The following KIAA0319 variants were observed in gnomAD, a reference collection of about 807,000 sequenced individuals.
The protein encoded by KIAA0319 is KIAA0319.
Under a neutral mutation model 108.4 loss-of-function variants are expected in KIAA0319, and 83 were observed. The ratio of observed to expected loss-of-function variants is 0.77; its 90% CI spans 0.64 to 0.92. The LOEUF (loss-of-function observed/expected upper bound fraction) is 0.92, where lower values mean the gene tolerates loss of function less well. KIAA0319 is among the 40% of genes least tolerant of loss of function. KIAA0319 has a pLI of 0.00. For synonymous variants in KIAA0319, 484 were observed against 510.4 expected, an observed-to-expected ratio of 0.95 and a Z score of 0.70; for missense variants, 1,195 against 1,322.4, an observed-to-expected ratio of 0.90 and a Z score of 1.49.
intron 16 of KIAA0319, 145 bp from the exon 17 acceptor site, chr6:24,559,300 G>T: frequency 1.3e-6 from 1 of 773,964 alleles, no homozygotes. Flanking sequence ...GTATCTGTGA[G>T]CCAAGGAATT....
At chr6:24,554,381 C>A (rs1468314796) in intron 19 of KIAA0319, among the ~76,000 whole-genome samples, 160 bp downstream of exon 19, 1 of 152,176 alleles carries the variant, frequency 6.6e-6, no homozygotes, top group Non-Finnish European at 1.5e-5. Flanking sequence ...AAAGCTGCCT[C>A]TAATATTCCA....
intron 4 of KIAA0319, among the ~76,000 whole-genome samples, chr6:24,586,096 CA>C (rs1286904214): frequency 3.3e-5 from 5 of 150,760 alleles, no homozygotes; most frequent in Admixed American, 6.6e-5. Context: ...TCAAAACAAA[CA>C]AAAAAAAACA....
chr6:24,636,055 G>A (rs1380075579), intron 1 of KIAA0319, among the ~76,000 whole-genome samples: 4 of 152,200 alleles, frequency 2.6e-5, no homozygotes, highest in Admixed American at 6.5e-5. Context: ...AAGAAAGATT[G>A]CCAAGATATG....
At chr6:24,551,380 A>T in intron 20 of KIAA0319, 54 bp downstream of exon 20, 1 of 1,219,054 alleles carries the variant, frequency 8.2e-7, no homozygotes, top group Non-Finnish European at 1.2e-6. Flanking sequence ...CCTCAGGCCT[A>T]CCTAGGTTAA....
At chr6:24,626,157 A>G (rs1774683460) in intron 1 of KIAA0319, among the ~76,000 whole-genome samples, 1 of 152,260 alleles carries the variant, frequency 6.6e-6, no homozygotes, top group Non-Finnish European at 1.5e-5. Context: ...CCATAGAGAT[A>G]GAATGCAAAT....
intron 11 of KIAA0319, among the ~76,000 whole-genome samples, chr6:24,570,663 GAGGAAGGAAAGAGA>G (rs1414325277): frequency 1.8e-4 from 27 of 147,612 alleles, no homozygotes; most frequent in Non-Finnish European, 3.6e-4. Flanking sequence ...AGGGTTGGGG[GAGGAAGGAAAGAGA>G]GAGGAAGGAA....
chr6:24,579,624 A>G (rs188547219), intron 8 of KIAA0319, among the ~76,000 whole-genome samples: 1 of 150,984 alleles, frequency 6.6e-6, no homozygotes, highest in Admixed American at 6.6e-5. Flanking sequence ...CTAATTCCCT[A>G]TCAAATGGCC....
intron 20 of KIAA0319, among the ~76,000 whole-genome samples, chr6:24,550,945 C>T (rs1203595722): frequency 2.6e-5 from 4 of 152,070 alleles, no homozygotes; most frequent in Non-Finnish European, 4.4e-5. Flanking sequence ...CCCCCACCCC[C>T]GCATTAGCAT....
intron 9 of KIAA0319, 80 bp downstream of exon 9, chr6:24,578,030 A>G: frequency 1.4e-6 from 2 of 1,381,626 alleles, no homozygotes; most frequent in South Asian, 1.6e-5. Context: ...TAAGAAGTGC[A>G]GTGTTTTATG....
chr6:24,591,498 G>A (rs979622692), intron 3 of KIAA0319, among the ~76,000 whole-genome samples: 4 of 152,104 alleles, frequency 2.6e-5, no homozygotes, highest in African/African-American at 4.8e-5. Context: ...CTACTCAAGA[G>A]GCTGAGGTGA....
intron 19 of KIAA0319, among the ~76,000 whole-genome samples, chr6:24,553,288 TATATATAC>T (rs1449849286): frequency 8.5e-5 from 7 of 82,170 alleles, no homozygotes; most frequent in African/African-American, 3.2e-4. Context: ...TATATATATA[TATATATAC>T]ACACACACAC....
chr6:24,609,273 C>CAAAAAA (rs886616830), intron 1 of KIAA0319, among the ~76,000 whole-genome samples: 4 of 74,846 alleles, frequency 5.3e-5, no homozygotes, highest in Non-Finnish European at 8.4e-5. Flanking sequence ...GTCTCAAAAA[C>CAAAAAA]AAAAAAAAAA....
intron 3 of KIAA0319, 55 bp from the exon 4 acceptor site, chr6:24,588,840 T>G: frequency 7.1e-7 from 1 of 1,405,506 alleles, no homozygotes; most frequent in South Asian, 1.2e-5. Flanking sequence ...AGTCCAACTC[T>G]TCAAGCAACT....
Position 24,568,933 on chromosome 6 carries a change from T to A in KIAA0319, c.1992-4A>T. On this transcript the variant is annotated splice_polypyrimidine_tract_variant and splice_region_variant and intron_variant, in intron 12 of 20. Transcript: ENST00000378214. The stretch of plus-strand genomic sequence containing the variant: ...CATCTCCACTGCACTGGGGCCTCTA[T>A]AAAACATAGAAGTGGTTAACATAAG... 6.2e-7 allele frequency: 1 copy of A among 1,614,008 alleles called. No homozygotes were observed. The highest frequency in any genetic ancestry group is 1.1e-5 in the South Asian group (1 of 91,088).
At chr6:24,627,197 T>A (rs1176743489) in intron 1 of KIAA0319, among the ~76,000 whole-genome samples, 1 of 152,218 alleles carries the variant, frequency 6.6e-6, no homozygotes, top group African/African-American at 2.4e-5. Flanking sequence ...TGGCTGTTGT[T>A]CCCATGTTGT....
intron 4 of KIAA0319, among the ~76,000 whole-genome samples, chr6:24,588,065 G>A (rs868200812): frequency 1.3e-4 from 20 of 152,324 alleles, no homozygotes; most frequent in Admixed American, 1.0e-3. Context: ...CAGTTCTTCC[G>A]AAATGTCCCG....
At chr6:24,624,471 A>C (rs1774435198) in intron 1 of KIAA0319, among the ~76,000 whole-genome samples, 1 of 152,214 alleles carries the variant, frequency 6.6e-6, no homozygotes, top group South Asian at 2.1e-4. Context: ...TATTCCAGCA[A>C]AATGAAAAAT....
rs377274531 is a variant in KIAA0319, at chr6:24,580,965, C to T, written c.1240G>A (p.Ala414Thr). The T allele has an allele frequency of 1.1e-5, 18 of 1,612,924 alleles. No individual in the cohort carries two copies. The highest frequency in any genetic ancestry group is 4.0e-5 in the African/African-American group (3 of 74,858). ...ACATTGACAAATCCTTCTCCAAAGG[C>T]GTTTTCACTAGAAACAGTGACTTTG... ...VFKVTVSSENAFGEGFVNVTV... is the reference protein window; with the variant it reads ...VFKVTVSSENTFGEGFVNVTV... The change falls in exon 7 of 21, where the codon GCC becomes ACC. Residue 414 changes from alanine to threonine, a missense_variant. Physicochemically the swap from Ala to Thr is moderately conservative, Grantham distance 58. Transcript: ENST00000378214.
At chr6:24,618,325 C>T (rs1009805874) in intron 1 of KIAA0319, among the ~76,000 whole-genome samples, 2 of 151,788 alleles carry the variant, frequency 1.3e-5, no homozygotes, top group Admixed American at 1.3e-4. Context: ...TTCAAAATTA[C>T]AGGCCAAGTA....
Sources: gnomAD v4.1 joint callset for allele counts (sites outside exome capture counted in the v4.1 genomes callset) on GRCh38, gnomAD v4.1.1 for gene constraint, MANE v1.5 for transcripts, NCBI Gene and HGNC (gene_info 2026-07-23, HGNC 2026-07-21) for gene names.